The following NUP210 variants were observed in gnomAD, a reference collection of about 807,000 sequenced individuals.
NUP210 encodes nucleoporin 210.
In NUP210, 151 loss-of-function variants were observed where a neutral mutation model predicts 196.0. The observed-to-expected ratio is 0.77, with a 90% CI of 0.67 to 0.88. The LOEUF is 0.88. Among genes scored for constraint, NUP210 ranks in the 40% least tolerant of loss-of-function variants. The pLI is 0.00. For synonymous variants in NUP210, 1,070 were observed against 1,052.7 expected, an observed-to-expected ratio of 1.02 and a Z score of -0.32; for missense variants, 2,314 against 2,493.7, an observed-to-expected ratio of 0.93 and a Z score of 1.53.
intron 37 of NUP210, 151 bp downstream of exon 37, chr3:13,319,612 G>A (rs906571824): frequency 1.4e-6 from 1 of 722,628 alleles, no homozygotes; most frequent in Non-Finnish European, 2.4e-6. Flanking sequence ...CCTGCATCAT[G>A]GCCCCAATGA....
intron 36 of NUP210, among the ~76,000 whole-genome samples, chr3:13,321,213 G>C (rs896834364): frequency 6.6e-6 from 1 of 152,242 alleles, no homozygotes; most frequent in African/African-American, 2.4e-5. Context: ...TGGAGAGAGG[G>C]GACTTGTCCC....
At chr3:13,353,716 AG>A in intron 17 of NUP210, 56 bp from the exon 18 acceptor site, 1 of 1,470,570 alleles carries the variant, frequency 6.8e-7, no homozygotes, top group African/African-American at 1.4e-5. Context: ...CCACCCCTGA[AG>A]CAGCCCCTCC....
Position 13,348,014 on chromosome 3 carries a change from C to T in NUP210, c.2835+3865G>A, listed in dbSNP as rs1697817591. 6.6e-6 allele frequency among the ~76,000 whole-genome samples: 1 copy of T among 152,210 alleles called. No individual in the cohort carries two copies. The highest frequency in any genetic ancestry group is 1.5e-5 in the Non-Finnish European group (1 of 68,038). ...GCCTGTGGCACGGGCTGCTGCTTGC[C>T]ATAGGGGAGACTCGTCCCGGGTCCT... On this transcript the variant is annotated intron_variant, in intron 20 of 39. Transcript: ENST00000254508. The surrounding 1 kb of genome is among the most constrained non-coding windows in gnomAD (Gnocchi z 4.0).
rs1699029462 is a variant in NUP210 at position 13,379,435 on chromosome 3, C to G, written c.976+128G>C. On this transcript the variant is annotated intron_variant, in intron 7 of 39. Transcript: ENST00000254508. The surrounding 1 kb of genome is among the most constrained non-coding windows in gnomAD (Gnocchi z 4.2). ...CTCAGCAGTGCTATTTCAGTTCTTT[C>G]TGATTTTCAGACCGTTGAGGGGAAA... 2 of 1,237,420 alleles carry G rather than the reference C, an allele frequency of 1.6e-6. No homozygotes were observed. Among genetic ancestry groups the G allele is most frequent in the Admixed American group, 3.7e-5 (2 of 54,058 alleles). 76.7% of individuals were successfully genotyped at this position (1,237,420 alleles called of 1,614,324 possible). A position where few individuals can be genotyped will look rare whatever the true frequency, so the allele number is the denominator to read the frequency against.
Position 13,376,355 on chromosome 3 carries a change from C to T in NUP210, c.1229G>A (p.Arg410His), listed in dbSNP as rs773906792. 19 of 1,613,636 alleles carry T rather than the reference C, an allele frequency of 1.2e-5. No individual in the cohort carries two copies. The highest frequency in any genetic ancestry group is 1.6e-4 in the Middle Eastern group (1 of 6,082). ...LSSSQNGSYH[R>H]IRALKRGQTA... is the part of the protein sequence containing the mutation. ...CTGTCCCCTCTTTAGTGCCCTGATGCGATGGTATGACCCATTCTGGGAGGA... is the reference window on the plus strand; with the variant it reads ...CTGTCCCCTCTTTAGTGCCCTGATGTGATGGTATGACCCATTCTGGGAGGA... The change falls in exon 10 of 40, where the codon CGC becomes CAC. Residue 410 changes from arginine (R) to histidine (H), a missense_variant. Coordinates refer to ENST00000254508, the MANE Select transcript of NUP210 (RefSeq NM_024923.4).
At position 13,321,738 on chromosome 3, in the gene NUP210, G is replaced by A; in HGVS notation, c.5013C>T (p.Leu1671=). The A allele has an allele frequency of 6.2e-7, 1 of 1,613,954 alleles. No homozygotes were observed. The highest frequency in any genetic ancestry group is 8.5e-7 in the Non-Finnish European group (1 of 1,180,024). The stretch of plus-strand genomic sequence containing the variant: ...GCTCTGTGGAGAAGTGGCTGCTGGA[G>A]AGGGAGGCACTGACCACCAGAGCTG... ...KKTALVVSAS[L]SSSHFSTEQV... The change falls in exon 36 of 40, where the codon CTC becomes CTT. Residue 1671 remains leucine, a synonymous_variant. Transcript: ENST00000254508.
chr3:13,414,514 A>AG (rs397750857), intron 1 of NUP210, among the ~76,000 whole-genome samples: 1 of 46 alleles, frequency 0.022, no homozygotes, highest in Non-Finnish European at 0.056. Context: ...AACCCTGCCC[A>AG]CATCTGACCT....
rs751946041 is a variant in NUP210 at position 13,341,770 on chromosome 3, T to G, written c.3206A>C (p.Asn1069Thr). Residue 1069 changes from asparagine (N) to threonine (T), a missense_variant, in exon 23 of 40, where the codon AAC becomes ACC. By Grantham distance (65) the Asn-to-Thr change is moderately conservative. Coordinates refer to ENST00000254508, the MANE Select transcript of NUP210 (RefSeq NM_024923.4). Reference sequence around the variant, plus strand: ...TACTTCAATCTGTTGTGGGGCTGAGTTGATTCTCTGTCCAGCTTTATTGGT... The same window carrying G: ...TACTTCAATCTGTTGTGGGGCTGAGGTGATTCTCTGTCCAGCTTTATTGGT... ...SVTNKAGQRINSAPQQIEVFP... is the reference protein window; with the variant it reads ...SVTNKAGQRITSAPQQIEVFP... 1 of 1,614,206 alleles carries G rather than the reference T, an allele frequency of 6.2e-7. No homozygotes were observed. Among genetic ancestry groups the G allele is most frequent in the Non-Finnish European group, 8.5e-7 (1 of 1,180,040 alleles).
chr3:13,403,077 A>C (rs942887658), intron 1 of NUP210, among the ~76,000 whole-genome samples: 2 of 152,216 alleles, frequency 1.3e-5, no homozygotes, highest in African/African-American at 4.8e-5. Context: ...AATCCCTATT[A>C]AAAAGTCATA....
Position 13,330,282 on chromosome 3 carries a change from T to C in NUP210, c.4110+178A>G, listed in dbSNP as rs544671713. 1.1e-3 allele frequency among the ~76,000 whole-genome samples: 168 copies of C among 152,372 alleles called. 1 individual carries two copies. Among genetic ancestry groups the C allele is most frequent in the African/African-American group, 3.9e-3 (163 of 41,588 alleles). ...ATTTCCCAAGGATCTTCGGCTCTGA[T>C]GACCAGAAGATGCTGTAGCTTTTTA... On this transcript the variant is annotated intron_variant, in intron 30 of 39. Transcript: ENST00000254508.
intron 14 of NUP210, among the ~76,000 whole-genome samples, chr3:13,362,465 T>C (rs953368374): frequency 5.3e-5 from 8 of 152,222 alleles, no homozygotes; most frequent in Non-Finnish European, 1.0e-4. Flanking sequence ...TGCCTTGACC[T>C]TGGACTTCCC....
chr3:13,327,666 C>T lies in NUP210; in HGVS notation c.4287-229G>A, dbSNP rs373267739. Reference sequence around the variant, plus strand: ...TTGTCATGCCAGAAAGCACATGCAGCTCGCAGCCAAACAGTGGCAGCAGCA... The same window carrying T: ...TTGTCATGCCAGAAAGCACATGCAGTTCGCAGCCAAACAGTGGCAGCAGCA... On this transcript the variant is annotated intron_variant, in intron 31 of 39. Coordinates refer to ENST00000254508, the MANE Select transcript of NUP210 (RefSeq NM_024923.4). Among the ~76,000 whole-genome samples the T allele has an allele frequency of 2.6e-4, 40 of 152,328 alleles. 3 individuals carry two copies. The highest frequency in any genetic ancestry group is 1.9e-3 in the South Asian group (9 of 4,828).
At position 13,399,935 on chromosome 3, in the gene NUP210, G is replaced by A. The variant is rs549961190; in HGVS notation, c.168-74C>T. ...CACAGTGGGGTCCAGACACCAGGCT[G>A]TGGCACCCGTCTAGGGCGCAGTCCT... On this transcript the variant is annotated intron_variant, in intron 1 of 39. Coordinates refer to ENST00000254508, the MANE Select transcript of NUP210 (RefSeq NM_024923.4). 10 of 1,512,864 alleles carry A rather than the reference G, an allele frequency of 6.6e-6. No individual in the cohort carries two copies. The African/African-American group carries it at 1.2e-4, about 19-fold the overall frequency. The allele number at this position is 1,512,864 out of a possible 1,614,324, so 93.7% of individuals were successfully genotyped here.
intron 14 of NUP210, among the ~76,000 whole-genome samples, chr3:13,362,305 T>C (rs1374868652): frequency 6.6e-6 from 1 of 152,240 alleles, no homozygotes; most frequent in Non-Finnish European, 1.5e-5. Context: ...GTGAAGCTTC[T>C]GCCCTCATGA....
chr3:13,411,394 T>G (rs1238170351), intron 1 of NUP210, among the ~76,000 whole-genome samples: 2 of 152,268 alleles, frequency 1.3e-5, no homozygotes, highest in Non-Finnish European at 1.5e-5. Context: ...TAACCAGCTG[T>G]GAGGCTCTTG....
intron 31 of NUP210, 35 bp downstream of exon 31, chr3:13,328,736 C>T: frequency 1.3e-6 from 2 of 1,599,988 alleles, no homozygotes; most frequent in Non-Finnish European, 1.7e-6. Flanking sequence ...CCAGACAGGA[C>T]TTCATAGGAG....
At chr3:13,415,756 T>C (rs1700328455) in intron 1 of NUP210, among the ~76,000 whole-genome samples, 1 of 152,176 alleles carries the variant, frequency 6.6e-6, no homozygotes, top group South Asian at 2.1e-4. Context: ...TTCCAGCATG[T>C]GACCTGCTGA....
intron 6 of NUP210, among the ~76,000 whole-genome samples, chr3:13,383,958 G>A (rs1364638408): frequency 6.6e-6 from 1 of 151,798 alleles, no homozygotes; most frequent in Non-Finnish European, 1.5e-5. Context: ...GAGACTGTAA[G>A]GCCCTGTTTT....
intron 21 of NUP210, 103 bp from the exon 22 acceptor site, chr3:13,342,226 ACAGACCT>A (rs1205378950): frequency 2.8e-6 from 4 of 1,430,200 alleles, no homozygotes; most frequent in Non-Finnish European, 3.8e-6. Context: ...ACCTCAACCC[ACAGACCT>A]GGGAATCAGG....
Sources: allele counts gnomAD v4.1 joint callset (sites outside exome capture counted in the v4.1 genomes callset), GRCh38; gene constraint gnomAD v4.1.1; non-coding constraint Gnocchi (gnomAD v3.1); transcripts MANE v1.5; gene names NCBI Gene and HGNC (gene_info 2026-07-23, HGNC 2026-07-21).